Variants in SLC44A5 observed in about 807,000 individuals in gnomAD.
SLC44A5 encodes the protein choline transporter-like protein 5.
SLC44A5 carries 57 observed loss-of-function variants against 101.8 expected under a neutral mutation model. That is an observed-to-expected ratio of 0.56 (90% confidence interval 0.45 to 0.70). SLC44A5 has a LOEUF of 0.70. Ranked by LOEUF, SLC44A5 falls within the 30% of genes least tolerant of loss-of-function variation. The pLI is 0.00. For synonymous variants in SLC44A5, 281 were observed against 290.9 expected, an observed-to-expected ratio of 0.97 and a Z score of 0.35; for missense variants, 737 against 853.1, an observed-to-expected ratio of 0.86 and a Z score of 1.70.
intron 2 of SLC44A5, among the ~76,000 whole-genome samples, chr1:75,458,995 T>C (rs1476354029): frequency 6.6e-6 from 1 of 152,124 alleles, no homozygotes; most frequent in Non-Finnish European, 1.5e-5. Context: ...AGATAGAGAA[T>C]TGAACCCCAT....
the SLC44A5 span, among the ~76,000 whole-genome samples, chr1:75,626,771 C>T: frequency 7.2e-4 from 110 of 152,198 alleles, 1 homozygote; most frequent in Non-Finnish European, 8.8e-4. Context: ...CATTCTTTCA[C>T]CTCTCTAATC....
chr1:75,291,093 G>A (rs936582430), intron 5 of SLC44A5, among the ~76,000 whole-genome samples: 6 of 152,144 alleles, frequency 3.9e-5, no homozygotes, highest in African/African-American at 1.4e-4. Flanking sequence ...TATAACACCT[G>A]TGGGTTTTTT....
chr1:75,679,647 G>T, the SLC44A5 span, among the ~76,000 whole-genome samples: 330 of 142,696 alleles, frequency 2.3e-3, no homozygotes, highest in Middle Eastern at 3.5e-3. Flanking sequence ...GGTACCAGCC[G>T]CTGCAAAATC....
intron 7 of SLC44A5, among the ~76,000 whole-genome samples, chr1:75,243,225 C>A (rs1648806600): frequency 6.6e-6 from 1 of 151,970 alleles, no homozygotes; most frequent in South Asian, 2.1e-4. Flanking sequence ...CAGCCTCAAC[C>A]TTTCTGGGCT....
At chr1:75,273,938 T>TTAGTAG (rs1377918984) in intron 6 of SLC44A5, among the ~76,000 whole-genome samples, 3 of 152,160 alleles carry the variant, frequency 2.0e-5, no homozygotes, top group African/African-American at 7.2e-5. Flanking sequence ...CGGAATAGTT[T>TTAGTAG]TAGTAGGATC....
At chr1:75,536,327 C>T (rs542601965) in intron 2 of SLC44A5, among the ~76,000 whole-genome samples, 4 of 152,028 alleles carry the variant, frequency 2.6e-5, no homozygotes, top group African/African-American at 9.6e-5. Context: ...CGGCCAGACG[C>T]GGTGGCTCAC....
At chr1:75,693,850 G>A in the SLC44A5 span, among the ~76,000 whole-genome samples, 1 of 152,072 alleles carries the variant, frequency 6.6e-6, no homozygotes, top group African/African-American at 2.4e-5. Context: ...CTAGTAAGAT[G>A]AAGAATAAGA....
intron 2 of SLC44A5, among the ~76,000 whole-genome samples, chr1:75,453,512 G>T (rs1254998293): frequency 6.6e-6 from 1 of 151,786 alleles, no homozygotes; most frequent in Non-Finnish European, 1.5e-5. Context: ...CAAACCTAAC[G>T]GAAGAAAAGA....
At chr1:75,657,937 C>T in the SLC44A5 span, among the ~76,000 whole-genome samples, 1 of 151,806 alleles carries the variant, frequency 6.6e-6, no homozygotes, top group Non-Finnish European at 1.5e-5. Context: ...AATTAAGCTA[C>T]AGTCTAGATC....
chr1:75,479,778 G>C (rs1478443145), intron 2 of SLC44A5, among the ~76,000 whole-genome samples: 1 of 127,262 alleles, frequency 7.9e-6, no homozygotes, highest in Non-Finnish European at 1.7e-5. Flanking sequence ...CAACCAAAAA[G>C]AGTCCAGGAC....
At chr1:75,222,301 A>G (rs868380420) in intron 14 of SLC44A5, 60 bp downstream of exon 14, 14 of 1,215,774 alleles carry the variant, frequency 1.2e-5, no homozygotes, top group Admixed American at 1.7e-5. Context: ...TATGCAAGGG[A>G]CAGTGACTGA....
chr1:75,259,076 C>A (rs886843534), intron 6 of SLC44A5, among the ~76,000 whole-genome samples: 1 of 152,244 alleles, frequency 6.6e-6, no homozygotes. Context: ...GGGGGGAAAT[C>A]AGCACAAAAA....
intron 2 of SLC44A5, among the ~76,000 whole-genome samples, chr1:75,446,705 A>G (rs1665602462): frequency 6.6e-6 from 1 of 151,984 alleles, no homozygotes; most frequent in Non-Finnish European, 1.5e-5. Flanking sequence ...GAATGTATTC[A>G]AGCCCATTTC....
chr1:75,703,576 G>T, the SLC44A5 span, among the ~76,000 whole-genome samples: 1 of 151,788 alleles, frequency 6.6e-6, no homozygotes, highest in Non-Finnish European at 1.5e-5. Flanking sequence ...ATGAGTTAAT[G>T]TGTGCAGCAC....
At chr1:75,566,773 A>G (rs550222534) in intron 1 of SLC44A5, among the ~76,000 whole-genome samples, 1 of 152,354 alleles carries the variant, frequency 6.6e-6, no homozygotes, top group South Asian at 2.1e-4. Flanking sequence ...TACATGCTCT[A>G]AAAGTAATAA....
the SLC44A5 span, among the ~76,000 whole-genome samples, chr1:75,695,870 T>G: frequency 6.6e-6 from 1 of 150,462 alleles, no homozygotes; most frequent in African/African-American, 2.4e-5. Flanking sequence ...AACCTGATAC[T>G]GAAAGGAATT....
chr1:75,343,833 G>A (rs182979959), intron 3 of SLC44A5, among the ~76,000 whole-genome samples: 159 of 152,224 alleles, frequency 1.0e-3, no homozygotes, highest in African/African-American at 3.8e-3. Flanking sequence ...AAGAGGGCCT[G>A]TCATTTCATT....
In SLC44A5 at chr1:75,272,985, C is replaced by G. The variant is rs193005073; in HGVS notation, c.260+1973G>C. On this transcript the variant is annotated intron_variant, in intron 6 of 23. Coordinates refer to ENST00000370859, the MANE Select transcript of SLC44A5 (RefSeq NM_001130058.2). ...TTGCTTTTGGCAGTATGGTCATTTT[C>G]ACAATATTAATTCTATCCATCCATG... Among the ~76,000 whole-genome samples, 1,107 of 152,178 alleles carry G rather than the reference C, an allele frequency of 7.3e-3. 17 individuals carry two copies. Among genetic ancestry groups the G allele is most frequent in the African/African-American group, 0.025 (1,043 of 41,522 alleles).
rs188771312 is a variant in SLC44A5, at chr1:75,590,380, T to A, written c.-70+20660A>T. On this transcript the variant is annotated intron_variant, in intron 1 of 23. Coordinates refer to ENST00000370859, the MANE Select transcript of SLC44A5 (RefSeq NM_001130058.2). ...TTGCCAGCATTCATCACCTGCTAGC[T>A]ACCTAAATAACCAGTAGCAATACCC... 2.0e-5 allele frequency among the ~76,000 whole-genome samples: 3 copies of A among 152,222 alleles called. No individual in the cohort carries two copies. In the East Asian group the frequency reaches 5.8e-4, roughly 29 times the overall value.
Sources: allele counts gnomAD v4.1 joint callset (sites outside exome capture counted in the v4.1 genomes callset), GRCh38; gene constraint gnomAD v4.1.1; transcripts MANE v1.5; gene names NCBI Gene and HGNC (gene_info 2026-07-23, HGNC 2026-07-21).